TYW3: variants seen among roughly 807,000 people sequenced by gnomAD.
TYW3 encodes the protein tRNA-yW synthesizing protein 3 homolog.
TYW3 carries 26 observed loss-of-function variants against 23.1 expected under a neutral mutation model. The ratio of observed to expected loss-of-function variants is 1.13; its 90% CI spans 0.83 to 1.56. The LOEUF (loss-of-function observed/expected upper bound fraction) is 1.56, where lower values mean the gene tolerates loss of function less well. TYW3 is among the 40% of genes most tolerant of loss of function. The pLI, the probability that TYW3 is intolerant of heterozygous loss-of-function variation, is 0.00. For synonymous variants in TYW3, 102 were observed against 105.7 expected (o/e 0.97, Z 0.21); for missense variants, 316 against 311.9 (o/e 1.01, Z -0.10).
chr1:74,750,525 C>T (rs905843166), intron 4 of TYW3, among the ~76,000 whole-genome samples: 5 of 151,972 alleles, frequency 3.3e-5, no homozygotes, highest in Non-Finnish European at 7.4e-5. Flanking sequence ...GATCATGCCA[C>T]TGCACTCCAG....
chr1:74,753,175 A>T (rs1648847292), intron 5 of TYW3, among the ~76,000 whole-genome samples: 1 of 152,134 alleles, frequency 6.6e-6, no homozygotes, highest in South Asian at 2.1e-4. Context: ...AGCCAATTTG[A>T]TGTCGTTTAT....
At chr1:74,738,869 T>A (rs1648252960) in intron 3 of TYW3, 81 bp downstream of exon 3, 1 of 931,694 alleles carries the variant, frequency 1.1e-6, no homozygotes. Context: ...GCTATAAATA[T>A]CAATGAGATA....
intron 3 of TYW3, among the ~76,000 whole-genome samples, chr1:74,747,624 G>A (rs1222826665): frequency 2.1e-5 from 3 of 143,720 alleles, no homozygotes; most frequent in Admixed American, 7.1e-5. Flanking sequence ...GCGACAGAGC[G>A]AGACTCCGTC....
chr1:74,746,160 G>A (rs1471863779), intron 3 of TYW3, among the ~76,000 whole-genome samples: 2 of 152,196 alleles, frequency 1.3e-5, no homozygotes, highest in African/African-American at 4.8e-5. Flanking sequence ...GGAGCCATGT[G>A]GACTGAGGAC....
rs1031482075 is a variant in TYW3 at position 74,734,867 on chromosome 1, C to G, written c.174+1449C>G. ...ATGCACTGTAAAAGTTGGCTGTGTA[C>G]TGATTTTATTCGTAGTATTGGCTTA... On this transcript the variant is annotated intron_variant, in intron 1 of 5. Coordinates refer to ENST00000370867, the MANE Select transcript of TYW3 (RefSeq NM_138467.3). 3.9e-5 allele frequency among the ~76,000 whole-genome samples: 6 copies of G among 152,262 alleles called. No individual in the cohort carries two copies. In the East Asian group the frequency reaches 9.6e-4, roughly 24 times the overall value.
chr1:74,741,680 A>G (rs1042394130), intron 3 of TYW3, among the ~76,000 whole-genome samples: 4 of 152,310 alleles, frequency 2.6e-5, no homozygotes, highest in East Asian at 1.9e-4. Context: ...CAAGTTGGCC[A>G]TTTCCTGATC....
intron 3 of TYW3, among the ~76,000 whole-genome samples, chr1:74,744,133 G>A (rs1345453967): frequency 6.6e-6 from 1 of 152,164 alleles, no homozygotes; most frequent in African/African-American, 2.4e-5. Flanking sequence ...TCATTAATAG[G>A]AAGGGGAGCT....
rs550118019 is a variant in TYW3 at position 74,760,073 on chromosome 1, C to A, written c.561-3821C>A. On this transcript the variant is annotated intron_variant, in intron 5 of 5. Transcript: ENST00000370867. ...ATATATATTGTGTACTGTATTCTTACAATAAAGTAAGCTAGAGAAAAATGT... is the reference window on the plus strand; with the variant it reads ...ATATATATTGTGTACTGTATTCTTAAAATAAAGTAAGCTAGAGAAAAATGT... Among the ~76,000 whole-genome samples the A allele has an allele frequency of 2.6e-5, 4 of 152,154 alleles. No homozygotes were observed. The South Asian group carries it at 6.2e-4, about 24-fold the overall frequency.
chr1:74,736,388 C>A, intron 1 of TYW3, 154 bp from the exon 2 acceptor site: 1 of 492,868 alleles, frequency 2.0e-6, no homozygotes, highest in Admixed American at 4.2e-5. Flanking sequence ...TCTGGGTTAA[C>A]ATTACCCAAA....
intron 5 of TYW3, among the ~76,000 whole-genome samples, chr1:74,755,594 T>A (rs746086908): frequency 1.8e-4 from 27 of 152,198 alleles, no homozygotes; most frequent in Non-Finnish European, 3.4e-4. Flanking sequence ...ACATTTAAGG[T>A]GTCTTTCCCT....
intron 3 of TYW3, among the ~76,000 whole-genome samples, chr1:74,745,071 C>T (rs968052078): frequency 1.3e-5 from 2 of 152,042 alleles, no homozygotes; most frequent in African/African-American, 2.4e-5. Context: ...CACAGGCCTT[C>T]GCAGTGTGTT....
In TYW3 at chr1:74,764,922, C is replaced by T. The variant is rs277368; in HGVS notation, c.*809C>T. The T allele has an allele frequency of 0.23, 34,517 of 152,060 alleles. 4,120 individuals are homozygous for T. The highest frequency in any genetic ancestry group is 0.33 in the Middle Eastern group (98 of 294). 9.4% of individuals were successfully genotyped at this position (152,060 alleles called of 1,614,324 possible). A position where few individuals can be genotyped will look rare whatever the true frequency, so the allele number is the denominator to read the frequency against. The stretch of plus-strand genomic sequence containing the variant: ...AAAGGCTGAAACACAGCATGTGATG[C>T]GAGTCAAGGTAGTTGATGCCCAACT... On this transcript the variant is annotated 3_prime_UTR_variant, in exon 6 of 6. Coordinates refer to ENST00000370867, the MANE Select transcript of TYW3 (RefSeq NM_138467.3).
At position 74,743,715 on chromosome 1, in the gene TYW3, T is replaced by C. The variant is rs187200358; in HGVS notation, c.354+4927T>C. Among the ~76,000 whole-genome samples, 4 of 152,320 alleles carry C rather than the reference T, an allele frequency of 2.6e-5. No homozygotes were observed. The East Asian group carries it at 7.7e-4, about 29-fold the overall frequency. ...GGGAGCCATACTGGGGATGGCTTGC[T>C]GACTGGTGGGGAATTTGTCCCTTTC... On this transcript the variant is annotated intron_variant, in intron 3 of 5. Coordinates refer to ENST00000370867, the MANE Select transcript of TYW3 (RefSeq NM_138467.3).
At chr1:74,741,073 G>A (rs761315328) in intron 3 of TYW3, among the ~76,000 whole-genome samples, 29 of 152,322 alleles carry the variant, frequency 1.9e-4, no homozygotes, top group African/African-American at 5.5e-4. Context: ...CAGTGGGTCC[G>A]TCCAGGGGTC....
intron 1 of TYW3, 181 bp downstream of exon 1, chr1:74,733,599 C>T: frequency 1.0e-6 from 1 of 964,624 alleles, no homozygotes; most frequent in Non-Finnish European, 1.2e-6. Context: ...TTTAACGTGG[C>T]TATTAATCAG....
chr1:74,746,908 C>G (rs117243410), intron 3 of TYW3, among the ~76,000 whole-genome samples: 2,150 of 152,154 alleles, frequency 0.014, 24 homozygotes, highest in East Asian at 0.055. Context: ...AAGAAACCAG[C>G]CAGGAAAAGA....
intron 5 of TYW3, among the ~76,000 whole-genome samples, chr1:74,761,464 C>A (rs976317204): frequency 1.3e-5 from 2 of 151,516 alleles, no homozygotes; most frequent in Non-Finnish European, 2.9e-5. Flanking sequence ...TCTTATCTTT[C>A]ATTTTCTAGG....
intron 3 of TYW3, among the ~76,000 whole-genome samples, chr1:74,743,330 C>T (rs1004958077): frequency 6.6e-6 from 1 of 152,054 alleles, no homozygotes; most frequent in Non-Finnish European, 1.5e-5. Context: ...TGGGCCTGTT[C>T]CTCTTGGTCT....
At chr1:74,752,663 C>T (rs1014172392) in intron 5 of TYW3, among the ~76,000 whole-genome samples, 4 of 152,206 alleles carry the variant, frequency 2.6e-5, no homozygotes, top group East Asian at 1.9e-4. Context: ...ATGGTAGGCA[C>T]GTGACCACCA....
Sources: allele counts gnomAD v4.1 joint callset (sites outside exome capture counted in the v4.1 genomes callset), GRCh38; gene constraint gnomAD v4.1.1; transcripts MANE v1.5; gene names NCBI Gene and HGNC (gene_info 2026-07-23, HGNC 2026-07-21).